Variants in JARID2 observed in about 807,000 individuals in gnomAD.
JARID2 encodes jumonji and AT-rich interaction domain containing 2.
Under a neutral mutation model 125.6 loss-of-function variants are expected in JARID2, and 21 were observed. The ratio of observed to expected loss-of-function variants is 0.17; its 90% CI spans 0.12 to 0.24. The LOEUF (loss-of-function observed/expected upper bound fraction) is 0.24. Among genes scored for constraint, JARID2 ranks in the 10% least tolerant of loss-of-function variants. JARID2 has a pLI of 1.00. For synonymous variants in JARID2, 736 were observed against 661.6 expected (o/e 1.11, Z -1.73); for missense variants, 1,303 against 1,639.6 (o/e 0.79, Z 3.55).
At chr6:15,489,037 G>A (rs1050594889) in intron 6 of JARID2, among the ~76,000 whole-genome samples, 9 of 152,146 alleles carry the variant, frequency 5.9e-5, no homozygotes, top group African/African-American at 1.7e-4. Context: ...TTGGTCTGAT[G>A]GAGAATTGTA....
At chr6:15,355,830 C>T (rs568445172) in intron 1 of JARID2, among the ~76,000 whole-genome samples, 9 of 152,330 alleles carry the variant, frequency 5.9e-5, no homozygotes, top group African/African-American at 1.9e-4. Context: ...AGGCTGGTCT[C>T]AAACTCCTGA....
rs571535860 is a variant in JARID2 at position 15,310,218 on chromosome 6, G to A, written c.45+63634G>A. 3.9e-5 allele frequency among the ~76,000 whole-genome samples: 6 copies of A among 152,292 alleles called. No individual in the cohort carries two copies. In the East Asian group the frequency reaches 1.2e-3, roughly 29 times the overall value. ...CTACTGGTTAGAGCAAAACAAGCATGTGATTTATGTAAAAATACATGAATA... is the reference window on the plus strand; with the variant it reads ...CTACTGGTTAGAGCAAAACAAGCATATGATTTATGTAAAAATACATGAATA... On this transcript the variant is annotated intron_variant, in intron 1 of 17. Coordinates refer to ENST00000341776, the MANE Select transcript of JARID2 (RefSeq NM_004973.4).
intron 4 of JARID2, among the ~76,000 whole-genome samples, chr6:15,461,759 G>A (rs1271851624): frequency 6.6e-6 from 1 of 152,162 alleles, no homozygotes; most frequent in Non-Finnish European, 1.5e-5. Context: ...TGTTTCGACT[G>A]AAGACATTAT....
intron 4 of JARID2, among the ~76,000 whole-genome samples, chr6:15,463,586 A>T (rs1276081788): frequency 6.6e-6 from 1 of 151,990 alleles, no homozygotes; most frequent in African/African-American, 2.4e-5. Context: ...ATCTGTCACC[A>T]TGCCCAGCTA....
intron 5 of JARID2, among the ~76,000 whole-genome samples, chr6:15,471,495 G>A (rs1235287480): frequency 3.3e-5 from 5 of 151,958 alleles, no homozygotes; most frequent in Non-Finnish European, 5.9e-5. Context: ...GTGTAGTATC[G>A]GATTGGGTCC....
chr6:15,449,872 A>G (rs1204467155), intron 3 of JARID2, among the ~76,000 whole-genome samples: 1 of 152,246 alleles, frequency 6.6e-6, no homozygotes, highest in South Asian at 2.1e-4. Context: ...TGCTTAGGAC[A>G]TACAAGGGAA....
At chr6:15,513,487 C>A in intron 16 of JARID2, 65 bp downstream of exon 16, 1 of 1,462,212 alleles carries the variant, frequency 6.8e-7, no homozygotes, top group Non-Finnish European at 9.2e-7. Flanking sequence ...TCCGGGGTTG[C>A]CCCCAGAAGA....
chr6:15,420,338 G>A (rs1294495742), intron 3 of JARID2, among the ~76,000 whole-genome samples: 2 of 151,816 alleles, frequency 1.3e-5, no homozygotes, highest in Admixed American at 6.6e-5. Context: ...AGGAGGCGGA[G>A]GTTGCAGTGA....
At chr6:15,409,709 T>C (rs1435473219) in intron 2 of JARID2, among the ~76,000 whole-genome samples, 3 of 152,220 alleles carry the variant, frequency 2.0e-5, no homozygotes, top group African/African-American at 7.2e-5. Context: ...TCTAATCTTG[T>C]AGATGGCTAT....
At chr6:15,480,387 A>G (rs969349038) in intron 5 of JARID2, among the ~76,000 whole-genome samples, 22 of 152,258 alleles carry the variant, frequency 1.4e-4, no homozygotes, top group African/African-American at 5.3e-4. Flanking sequence ...ATTCCAGGAT[A>G]TCTTATAACT....
At chr6:15,499,478 G>A (rs1226466984) in intron 7 of JARID2, among the ~76,000 whole-genome samples, 4 of 152,322 alleles carry the variant, frequency 2.6e-5, no homozygotes, top group African/African-American at 9.6e-5. Flanking sequence ...AAATATGAAA[G>A]TGTGGATTTC....
chr6:15,361,765 T>A (rs1028358127), intron 1 of JARID2, among the ~76,000 whole-genome samples: 4 of 152,140 alleles, frequency 2.6e-5, no homozygotes, highest in Admixed American at 2.6e-4. Context: ...GGAAGAAATG[T>A]TGGAACTGGC....
chr6:15,382,733 C>A (rs1764637555), intron 2 of JARID2, among the ~76,000 whole-genome samples: 1 of 152,218 alleles, frequency 6.6e-6, no homozygotes, highest in South Asian at 2.1e-4. Context: ...CGCCACGCTT[C>A]CTAGTAGGCA....
In JARID2 at chr6:15,413,002, G is replaced by GTTGTT. The variant is rs1554133602; in HGVS notation, c.323+2639_323+2640insGTTTT. Among the ~76,000 whole-genome samples the GTTGTT allele has an allele frequency of 3.2e-3, 148 of 46,550 alleles. 2 individuals are homozygous for GTTGTT. The highest frequency in any genetic ancestry group is 0.013 in the African/African-American group (140 of 10,758). 30.5% of individuals were successfully genotyped at this position (46,550 alleles called of 152,430 possible). A position where few individuals can be genotyped will look rare whatever the true frequency, so the allele number is the denominator to read the frequency against. On this transcript the variant is annotated intron_variant, in intron 3 of 17. Transcript: ENST00000341776. The stretch of plus-strand genomic sequence containing the variant: ...AACATTATACATGGGAAGAGCTTGT[G>GTTGTT]TTTTTGTTTTTTTTTTTTTTGTTTT...
intron 1 of JARID2, among the ~76,000 whole-genome samples, chr6:15,259,629 C>T (rs931604745): frequency 1.3e-5 from 2 of 152,152 alleles, no homozygotes; most frequent in Non-Finnish European, 2.9e-5. Context: ...TGCTAGGGCT[C>T]GCTCATCTGC....
chr6:15,286,975 T>G (rs1316999621), intron 1 of JARID2, among the ~76,000 whole-genome samples: 1 of 152,014 alleles, frequency 6.6e-6, no homozygotes, highest in Non-Finnish European at 1.5e-5. Flanking sequence ...ATTAGCTGGC[T>G]GTGGTGGCAG....
chr6:15,289,595 A>G (rs1761131047), intron 1 of JARID2, among the ~76,000 whole-genome samples: 1 of 152,046 alleles, frequency 6.6e-6, no homozygotes, highest in Admixed American at 6.6e-5. Context: ...AGTGAGTCAC[A>G]TCTGTAATCC....
At chr6:15,413,894 G>A (rs77075375) in intron 3 of JARID2, among the ~76,000 whole-genome samples, 5 of 152,200 alleles carry the variant, frequency 3.3e-5, no homozygotes, top group Non-Finnish European at 7.3e-5. Flanking sequence ...TGTTGGATTA[G>A]GGATTAGGTT....
At chr6:15,519,844 T>G (rs1390152973) in intron 17 of JARID2, among the ~76,000 whole-genome samples, 1 of 151,336 alleles carries the variant, frequency 6.6e-6, no homozygotes, top group African/African-American at 2.4e-5. Context: ...TGGACCAGGG[T>G]GTTGATGAGG....
Sources: allele counts gnomAD v4.1 joint callset (sites outside exome capture counted in the v4.1 genomes callset), GRCh38; gene constraint gnomAD v4.1.1; transcripts MANE v1.5; gene names NCBI Gene and HGNC (gene_info 2026-07-23, HGNC 2026-07-21).